Variants in MPP7 observed in about 807,000 individuals in gnomAD.
MPP7 encodes MAGUK p55 scaffold protein 7.
Under a neutral mutation model 76.5 loss-of-function variants are expected in MPP7, and 60 were observed. The ratio of observed to expected loss-of-function variants is 0.78; its 90% CI spans 0.64 to 0.97. The LOEUF (loss-of-function observed/expected upper bound fraction) is 0.97. MPP7 is among the 50% of genes least tolerant of loss of function. MPP7 has a pLI of 0.00. For missense variants in MPP7, 641 were observed against 694.0 expected (o/e 0.92, Z 0.86); for synonymous variants, 237 against 244.5 (o/e 0.97, Z 0.29).
chr10:28,107,559 T>C (rs79514308), intron 11 of MPP7, among the ~76,000 whole-genome samples: 1,834 of 152,238 alleles, frequency 0.012, 53 homozygotes, highest in East Asian at 0.11. Context: ...ATGAGACTTG[T>C]TTCATCCAAT....
chr10:28,296,764 T>C (rs550880372), intron 1 of MPP7, among the ~76,000 whole-genome samples: 1 of 152,250 alleles, frequency 6.6e-6, no homozygotes, highest in Non-Finnish European at 1.5e-5. Context: ...AACATTTATA[T>C]GCCTGGAAAA....
intron 13 of MPP7, among the ~76,000 whole-genome samples, chr10:28,060,291 T>C (rs1014365152): frequency 1.3e-5 from 2 of 152,196 alleles, no homozygotes; most frequent in African/African-American, 4.8e-5. Flanking sequence ...TAGAATACTA[T>C]TGAACTTCTA....
chr10:28,065,634 T>A (rs11006825), intron 13 of MPP7, among the ~76,000 whole-genome samples: 18,094 of 152,196 alleles, frequency 0.12, 1,730 homozygotes, highest in East Asian at 0.51. Context: ...ATAGGAGCCC[T>A]CTTCCCATGT....
intron 3 of MPP7, among the ~76,000 whole-genome samples, chr10:28,158,389 G>A (rs1360017673): frequency 6.6e-6 from 1 of 152,110 alleles, no homozygotes; most frequent in African/African-American, 2.4e-5. Flanking sequence ...ACTACAGAGT[G>A]GAAATTGTCT....
chr10:28,156,613 G>A (rs1021243473), intron 3 of MPP7, among the ~76,000 whole-genome samples: 1 of 152,184 alleles, frequency 6.6e-6, no homozygotes, highest in African/African-American at 2.4e-5. Flanking sequence ...GACAGTAACT[G>A]TGACCACCAG....
intron 6 of MPP7, among the ~76,000 whole-genome samples, chr10:28,127,485 G>A (rs1835054537): frequency 6.6e-6 from 1 of 152,172 alleles, no homozygotes; most frequent in Non-Finnish European, 1.5e-5. Flanking sequence ...GTTCCATGTG[G>A]CTGGGGAGGC....
Position 28,073,280 on chromosome 10 carries a change from T to C in MPP7, c.1124-3428A>G, listed in dbSNP as rs75083456. ...CAGATCTATGCTTCCCCATTGCCAC[T>C]GCTGCCACAATACCCCTGTTTTGCC... On this transcript the variant is annotated intron_variant, in intron 12 of 16. Transcript: ENST00000683449. Among the ~76,000 whole-genome samples the C allele has an allele frequency of 7.7e-3, 1,179 of 152,258 alleles. 46 individuals carry two copies. The East Asian group carries it at 0.11, about 15-fold the overall frequency.
intron 3 of MPP7, among the ~76,000 whole-genome samples, chr10:28,151,713 G>A (rs1464717070): frequency 6.6e-6 from 1 of 152,184 alleles, no homozygotes; most frequent in South Asian, 2.1e-4. Context: ...TCATTTTACA[G>A]ATAAATAGGA....
chr10:28,293,809 T>A (rs1840978241), intron 1 of MPP7, among the ~76,000 whole-genome samples: 1 of 152,238 alleles, frequency 6.6e-6, no homozygotes, highest in Admixed American at 6.5e-5. Context: ...AGGGTTTATG[T>A]CCTAGTGAAG....
chr10:28,195,890 T>C (rs562640973), intron 3 of MPP7, among the ~76,000 whole-genome samples: 8 of 152,318 alleles, frequency 5.3e-5, no homozygotes, highest in African/African-American at 1.4e-4. Context: ...CCTGTGAATA[T>C]ACTAAAAACC....
chr10:28,226,026 A>G (rs1181726864), intron 2 of MPP7, among the ~76,000 whole-genome samples: 3 of 152,236 alleles, frequency 2.0e-5, no homozygotes, highest in South Asian at 4.1e-4. Flanking sequence ...AAAATGCAGT[A>G]TATACATACA....
intron 3 of MPP7, among the ~76,000 whole-genome samples, chr10:28,170,225 G>C (rs75416361): frequency 0.13 from 20,514 of 151,970 alleles, 2,079 homozygotes; most frequent in African/African-American, 0.28. Context: ...TATATGTTCT[G>C]TTTTGGGTAT....
chr10:28,211,931 G>T (rs1838151181), intron 2 of MPP7, among the ~76,000 whole-genome samples: 1 of 152,128 alleles, frequency 6.6e-6, no homozygotes, highest in Admixed American at 6.5e-5. Flanking sequence ...GTGTAAAGGG[G>T]TGATTAGATC....
At chr10:28,194,989 C>T (rs942676794) in intron 3 of MPP7, among the ~76,000 whole-genome samples, 1 of 152,088 alleles carries the variant, frequency 6.6e-6, no homozygotes, top group African/African-American at 2.4e-5. Context: ...CTATCTGTAC[C>T]ATCTGCTCAA....
intron 3 of MPP7, among the ~76,000 whole-genome samples, chr10:28,189,140 T>G (rs1837325990): frequency 6.6e-6 from 1 of 152,152 alleles, no homozygotes; most frequent in African/African-American, 2.4e-5. Context: ...AGCAAAGTAC[T>G]GGGGGATTAC....
intron 8 of MPP7, among the ~76,000 whole-genome samples, chr10:28,121,576 T>C (rs1485305046): frequency 1.3e-5 from 2 of 152,308 alleles, no homozygotes; most frequent in East Asian, 1.9e-4. Context: ...AGGATTTCTC[T>C]TTAAATATAG....
At chr10:28,282,393 C>T (rs986147750) in intron 1 of MPP7, among the ~76,000 whole-genome samples, 8 of 152,006 alleles carry the variant, frequency 5.3e-5, no homozygotes, top group African/African-American at 1.9e-4. Context: ...GGAGGAAGAG[C>T]GGTTAAAATC....
At chr10:28,301,532 G>A (rs1841155387) in intron 1 of MPP7, among the ~76,000 whole-genome samples, 2 of 152,092 alleles carry the variant, frequency 1.3e-5, no homozygotes, top group East Asian at 1.9e-4. Flanking sequence ...CTGTGTATAC[G>A]GGATCAAATT....
intron 1 of MPP7, among the ~76,000 whole-genome samples, chr10:28,274,023 G>T (rs1393137414): frequency 6.6e-6 from 1 of 151,682 alleles, no homozygotes; most frequent in East Asian, 1.9e-4. Flanking sequence ...ACTTTGAGAG[G>T]CCAAGGCAAG....
Sources: allele counts gnomAD v4.1 joint callset (sites outside exome capture counted in the v4.1 genomes callset), GRCh38; gene constraint gnomAD v4.1.1; transcripts MANE v1.5; gene names NCBI Gene and HGNC (gene_info 2026-07-23, HGNC 2026-07-21).